Variants in ZNF366 observed in about 807,000 individuals in gnomAD.
ZNF366 encodes zinc finger protein 366.
A neutral mutation model predicts 47.2 loss-of-function variants in ZNF366; 20 were observed. That is an observed-to-expected ratio of 0.42 (90% CI 0.30 to 0.62). The LOEUF is 0.62. Among genes scored for constraint, ZNF366 ranks in the 20% least tolerant of loss-of-function variants. ZNF366 has a pLI of 0.16. For missense variants in ZNF366, 987 were observed against 976.3 expected, an observed-to-expected ratio of 1.01 and a Z score of -0.15; for synonymous variants, 421 against 395.1, an observed-to-expected ratio of 1.07 and a Z score of -0.78.
In ZNF366 at chr5:72,443,987, C is replaced by T. The variant is rs146179361; in HGVS notation, c.2004G>A (p.Glu668=). Residue 668 remains glutamate, a synonymous_variant, in exon 5 of 5, where the codon GAG becomes GAA. Transcript: ENST00000318442. ...VLEEACKEEK[E]DASKGEWEKR... is the part of the protein sequence containing the mutation. The stretch of plus-strand genomic sequence containing the variant: ...TCTCCCATTCTCCCTTGGATGCATC[C>T]TCCTTCTCCTCCTTGCAGGCTTCCT... 2.6e-3 allele frequency: 4,229 copies of T among 1,614,194 alleles called. 3 individuals carry two copies. The highest frequency in any genetic ancestry group is 3.0e-3 in the Non-Finnish European group (3,594 of 1,180,026).
chr5:72,465,585 G>A lies in ZNF366; in HGVS notation c.-14-4075C>T, dbSNP rs79744447. On this transcript the variant is annotated intron_variant, in intron 1 of 4. Transcript: ENST00000318442. ...GACAGGATTCTTATGCAGGAGGCAGGAGAGGCTTGGGGATGGCAATCTGGT... is the reference window on the plus strand; with the variant it reads ...GACAGGATTCTTATGCAGGAGGCAGAAGAGGCTTGGGGATGGCAATCTGGT... 8.1e-3 allele frequency among the ~76,000 whole-genome samples: 1,235 copies of A among 152,314 alleles called. 17 individuals are homozygous for A. Among genetic ancestry groups the A allele is most frequent in the African/African-American group, 0.028 (1,154 of 41,562 alleles).
intron 1 of ZNF366, among the ~76,000 whole-genome samples, chr5:72,497,551 C>A (rs1301723499): frequency 2.0e-5 from 3 of 152,120 alleles, no homozygotes; most frequent in Non-Finnish European, 1.5e-5. Flanking sequence ...TATTAATGGA[C>A]AATTGTGCTA....
In ZNF366 at chr5:72,443,539, G is replaced by A. The variant is rs554726199; in HGVS notation, c.*217C>T. 9.6e-5 allele frequency: 49 copies of A among 509,632 alleles called. No individual in the cohort carries two copies. The highest frequency in any genetic ancestry group is 5.0e-4 in the Middle Eastern group (1 of 2,008). 31.6% of individuals were successfully genotyped at this position (509,632 alleles called of 1,614,324 possible). On this transcript the variant is annotated 3_prime_UTR_variant, in exon 5 of 5. Transcript: ENST00000318442. ...TTATTATACTGGCAATGCATAAAAC[G>A]CCACTGATGAAGACCCTGCACATGT...
At chr5:72,492,375 C>A (rs1390473066) in intron 1 of ZNF366, among the ~76,000 whole-genome samples, 1 of 152,188 alleles carries the variant, frequency 6.6e-6, no homozygotes. Context: ...TATGACCTGT[C>A]ATCTGATTAT....
intron 1 of ZNF366, among the ~76,000 whole-genome samples, chr5:72,473,214 G>GAGC (rs1206960266): frequency 2.7e-4 from 41 of 152,280 alleles, no homozygotes; most frequent in African/African-American, 9.6e-4. Context: ...GCTGGAGGAG[G>GAGC]AGCAGCCATA....
intron 1 of ZNF366, among the ~76,000 whole-genome samples, chr5:72,496,735 C>T (rs918224592): frequency 1.3e-5 from 2 of 152,146 alleles, no homozygotes; most frequent in African/African-American, 4.8e-5. Context: ...GAGGTAGTAC[C>T]CTTTTACATT....
rs745910727 is a variant in ZNF366 at position 72,501,213 on chromosome 5, ACT to A, written c.-15+6036_-15+6037del. Among the ~76,000 whole-genome samples, 20 of 152,064 alleles carry A rather than the reference ACT, an allele frequency of 1.3e-4. No homozygotes were observed. The South Asian group carries it at 1.5e-3, about 11-fold the overall frequency. On this transcript the variant is annotated intron_variant, in intron 1 of 4. Transcript: ENST00000318442. ...GTGGCAGTGCCGTTGTTGGTAAATCACTCTCCCATTTAGTATCAGTGGCCATC... is the reference window on the plus strand; with the variant it reads ...GTGGCAGTGCCGTTGTTGGTAAATCACTCCCATTTAGTATCAGTGGCCATC...
chr5:72,504,442 TC>T (rs1404606780), intron 1 of ZNF366, among the ~76,000 whole-genome samples: 7 of 152,204 alleles, frequency 4.6e-5, no homozygotes, highest in African/African-American at 1.7e-4. Flanking sequence ...AAAACTTTTA[TC>T]CCGAGACAAA....
At chr5:72,466,814 G>A (rs968370167) in intron 1 of ZNF366, among the ~76,000 whole-genome samples, 5 of 152,196 alleles carry the variant, frequency 3.3e-5, no homozygotes, top group South Asian at 2.1e-4. Context: ...TGATACACAC[G>A]CTTTGTGTGA....
intron 4 of ZNF366, among the ~76,000 whole-genome samples, chr5:72,444,513 A>C (rs960128293): frequency 4.6e-5 from 7 of 152,250 alleles, no homozygotes; most frequent in Admixed American, 2.6e-4. Context: ...AAAGCTTTAA[A>C]AATAAGCTTT....
At position 72,441,296 on chromosome 5, in the gene ZNF366, A is replaced by G. The variant is rs1040794157; in HGVS notation, c.*2460T>C. On this transcript the variant is annotated 3_prime_UTR_variant, in exon 5 of 5. Coordinates refer to ENST00000318442, the MANE Select transcript of ZNF366 (RefSeq NM_152625.3). ...GGACGTGTGGTCAAACACAGCACAT[A>G]GTAGGTCCTCAACACATGGCCGCAG... The G allele has an allele frequency of 1.3e-5, 2 of 152,226 alleles. No homozygotes were observed. The highest frequency in any genetic ancestry group is 4.8e-5 in the African/African-American group (2 of 41,454). 9.4% of individuals were successfully genotyped at this position (152,226 alleles called of 1,614,324 possible). A position where few individuals can be genotyped will look rare whatever the true frequency, so the allele number is the denominator to read the frequency against.
intron 1 of ZNF366, among the ~76,000 whole-genome samples, chr5:72,476,924 G>A (rs576956296): frequency 1.4e-4 from 22 of 152,108 alleles, no homozygotes; most frequent in African/African-American, 5.1e-4. Flanking sequence ...CTGAAAGGTC[G>A]GGCTGTGGGA....
intron 1 of ZNF366, chr5:72,494,373 G>A (rs1744071417): frequency 6.6e-6 from 1 of 152,144 alleles, no homozygotes; most frequent in South Asian, 2.1e-4. Flanking sequence ...AATTTGGAGG[G>A]CCTCTTGTCC....
At chr5:72,477,645 G>A (rs1271593796) in intron 1 of ZNF366, among the ~76,000 whole-genome samples, 1 of 152,178 alleles carries the variant, frequency 6.6e-6, no homozygotes, top group African/African-American at 2.4e-5. Context: ...GGTTTAATCA[G>A]TACAATTATC....
intron 1 of ZNF366, among the ~76,000 whole-genome samples, chr5:72,476,601 G>A (rs1743679100): frequency 6.6e-6 from 1 of 152,150 alleles, no homozygotes; most frequent in African/African-American, 2.4e-5. Flanking sequence ...TTTTCTGTAT[G>A]TCAAGATTGA....
rs143953708 is a variant in ZNF366 at position 72,497,120 on chromosome 5, T to C, written c.-15+10131A>G. Among the ~76,000 whole-genome samples the C allele has an allele frequency of 7.3e-3, 1,118 of 152,308 alleles. 18 individuals carry two copies. The highest frequency in any genetic ancestry group is 0.024 in the African/African-American group (1,012 of 41,592). On this transcript the variant is annotated intron_variant, in intron 1 of 4. Coordinates refer to ENST00000318442, the MANE Select transcript of ZNF366 (RefSeq NM_152625.3). ...TTATTTTTATAACGGTATCTTTTTC[T>C]TGAAGAGCAAAAGTCTTTAATTTTG...
intron 1 of ZNF366, among the ~76,000 whole-genome samples, chr5:72,463,474 G>A (rs994499259): frequency 6.6e-6 from 1 of 152,184 alleles, no homozygotes; most frequent in Non-Finnish European, 1.5e-5. Context: ...GTGGGTTTGG[G>A]GCTTAGTAAT....
intron 1 of ZNF366, among the ~76,000 whole-genome samples, chr5:72,466,960 A>G (rs932074680): frequency 3.9e-5 from 6 of 152,238 alleles, no homozygotes; most frequent in Admixed American, 3.3e-4. Flanking sequence ...ACCCAGCCAG[A>G]AAACAGATTC....
chr5:72,460,308 C>T lies in ZNF366; in HGVS notation c.1189G>A (p.Glu397Lys), dbSNP rs1432849566. ...GGGTACTGGAAGGTCTTGTCGCACT[C>T]GGAGCAGTTGTACTGGATGGGGCCC... ...HRGPIQYNCS[E>K]CDKTFQYPSQ... is the part of the protein sequence containing the mutation. The change falls in exon 2 of 5, where the codon GAG becomes AAG. Residue 397 changes from glutamate (E) to lysine (K), a missense_variant. By Grantham distance (56) the Glu-to-Lys change is moderately conservative. Coordinates refer to ENST00000318442, the MANE Select transcript of ZNF366 (RefSeq NM_152625.3). The T allele has an allele frequency of 4.3e-6, 7 of 1,614,072 alleles. No homozygotes were observed. Among genetic ancestry groups the T allele is most frequent in the East Asian group, 2.2e-5 (1 of 44,890 alleles).
Sources: gnomAD v4.1 joint callset for allele counts (sites outside exome capture counted in the v4.1 genomes callset) on GRCh38, gnomAD v4.1.1 for gene constraint, MANE v1.5 for transcripts, NCBI Gene and HGNC (gene_info 2026-07-23, HGNC 2026-07-21) for gene names.